ZNF407: variants seen among roughly 807,000 people sequenced by gnomAD.
ZNF407 encodes the protein zinc finger protein 407.
ZNF407 carries 17 observed loss-of-function variants against 131.2 expected under a neutral mutation model. That is an observed-to-expected ratio of 0.13 (90% CI 0.09 to 0.19). The LOEUF (loss-of-function observed/expected upper bound fraction) is 0.19. ZNF407 is among the 10% of genes least tolerant of loss of function. ZNF407 has a pLI of 1.00. For missense variants in ZNF407, 2,681 were observed against 2,830.6 expected (o/e 0.95, Z 1.20); for synonymous variants, 1,156 against 1,062.0 (o/e 1.09, Z -1.72).
At position 74,635,020 on chromosome 18, in the gene ZNF407, G is replaced by C. The variant is rs373998779; in HGVS notation, c.4001G>C (p.Ser1334Thr). The C allele has an allele frequency of 2.6e-5, 42 of 1,613,898 alleles. No homozygotes were observed. Among genetic ancestry groups the C allele is most frequent in the South Asian group, 4.4e-5 (4 of 91,084 alleles). ...GPASDSTVES[S>T]DVYETIISID... The stretch of plus-strand genomic sequence containing the variant: ...GCTTCTGATAGCACAGTTGAAAGTA[G>C]TGATGTCTATGAAACTATAATTAGT... The change falls in exon 2 of 9, where the codon AGT becomes ACT. Residue 1334 changes from serine to threonine, a missense_variant. Physicochemically the swap from Ser to Thr is moderately conservative, Grantham distance 58. Transcript: ENST00000299687. The surrounding 1 kb of genome is among the most constrained non-coding windows in gnomAD (Gnocchi z 4.7).
intron 1 of ZNF407, among the ~76,000 whole-genome samples, chr18:74,606,825 G>T (rs866195736): frequency 6.6e-6 from 1 of 152,200 alleles, no homozygotes; most frequent in African/African-American, 2.4e-5. Context: ...TAAAATAGAA[G>T]AAATAATTTT....
intron 3 of ZNF407, among the ~76,000 whole-genome samples, chr18:74,716,717 G>A (rs1243418260): frequency 3.3e-5 from 5 of 152,112 alleles, no homozygotes; most frequent in African/African-American, 4.8e-5. Flanking sequence ...GAAGTGGTTC[G>A]AAATAATCAA....
In ZNF407 at chr18:74,654,978, AAC is replaced by A. The variant is rs1339553394; in HGVS notation, c.4802+13857_4802+13858del. Among the ~76,000 whole-genome samples the A allele has an allele frequency of 1.4e-4, 21 of 151,950 alleles. 1 individual carries two copies. The highest frequency in any genetic ancestry group is 5.1e-4 in the African/African-American group (21 of 41,428). On this transcript the variant is annotated intron_variant, in intron 3 of 8. Transcript: ENST00000299687. ...AGTCATCTAATGTTATTTTTTAAAG[AAC>A]GTATTTTAAAAATGACTAAAAAGTG...
intron 1 of ZNF407, among the ~76,000 whole-genome samples, chr18:74,608,956 A>C (rs1982932487): frequency 6.6e-6 from 1 of 151,658 alleles, no homozygotes; most frequent in Non-Finnish European, 1.5e-5. Flanking sequence ...GTGATTAATG[A>C]CTCATTTTTT....
intron 8 of ZNF407, among the ~76,000 whole-genome samples, chr18:74,953,186 T>A (rs1972235893): frequency 6.6e-6 from 1 of 151,764 alleles, no homozygotes. Context: ...TGAATGAGGG[T>A]AGTGGAGGTG....
rs143606393 is a variant in ZNF407 at position 74,803,868 on chromosome 18, C to T, written c.4877+22366C>T. 795 of 1,323,278 alleles carry T rather than the reference C, an allele frequency of 6.0e-4. 9 individuals are homozygous for T. The East Asian group carries it at 0.013, about 21-fold the overall frequency. 82.0% of individuals were successfully genotyped at this position (1,323,278 alleles called of 1,614,324 possible). On this transcript the variant is annotated intron_variant, in intron 4 of 8. Coordinates refer to ENST00000299687, the MANE Select transcript of ZNF407 (RefSeq NM_017757.3). ...TTCTGGAGCATGGTTTCAAAAAGGT[C>T]AGGAATGACGGAGCGAAAAATGTTC... is the stretch of plus-strand genomic sequence containing the variant.
At chr18:74,931,473 G>A (rs913913799) in intron 8 of ZNF407, among the ~76,000 whole-genome samples, 1 of 152,076 alleles carries the variant, frequency 6.6e-6, no homozygotes, top group African/African-American at 2.4e-5. Context: ...CACCATTACT[G>A]TTAGGAAAAT....
chr18:74,623,180 G>C (rs1392642552), intron 1 of ZNF407, among the ~76,000 whole-genome samples: 4 of 151,698 alleles, frequency 2.6e-5, no homozygotes, highest in Non-Finnish European at 5.9e-5. Context: ...GTGTGAATGT[G>C]AATCCGTGTG....
chr18:74,721,227 C>T (rs1243860032), intron 3 of ZNF407, among the ~76,000 whole-genome samples: 5 of 151,854 alleles, frequency 3.3e-5, no homozygotes, highest in Non-Finnish European at 7.4e-5. Context: ...AAATTTATTC[C>T]TAGGCATTTT....
chr18:74,763,876 A>T (rs1969165526), intron 3 of ZNF407, among the ~76,000 whole-genome samples: 1 of 145,666 alleles, frequency 6.9e-6, no homozygotes. Context: ...CGCCCGGCTA[A>T]TTTTTTTTTT....
intron 3 of ZNF407, among the ~76,000 whole-genome samples, chr18:74,688,671 G>A (rs1967151214): frequency 6.6e-6 from 1 of 152,084 alleles, no homozygotes; most frequent in Non-Finnish European, 1.5e-5. Context: ...ATTAAGGTCT[G>A]TGATTTATTT....
At chr18:74,738,901 G>GTA in intron 3 of ZNF407, among the ~76,000 whole-genome samples, 1 of 152,094 alleles carries the variant, frequency 6.6e-6, no homozygotes, top group Non-Finnish European at 1.5e-5. Context: ...GATTTGAAAA[G>GTA]ATATATAAAC....
chr18:74,937,890 C>T (rs547771712), intron 8 of ZNF407, among the ~76,000 whole-genome samples: 5 of 152,212 alleles, frequency 3.3e-5, no homozygotes, highest in South Asian at 4.1e-4. Flanking sequence ...TTTTTCTGCT[C>T]CTAAATATAT....
intron 4 of ZNF407, among the ~76,000 whole-genome samples, chr18:74,841,305 GT>G (rs1410531888): frequency 1.3e-5 from 2 of 152,164 alleles, no homozygotes; most frequent in Non-Finnish European, 2.9e-5. Flanking sequence ...CTGCATATTA[GT>G]TCCTCACTCC....
At chr18:74,857,200 C>T (rs1288057041) in intron 4 of ZNF407, among the ~76,000 whole-genome samples, 1 of 152,172 alleles carries the variant, frequency 6.6e-6, no homozygotes, top group East Asian at 1.9e-4. Context: ...AATGACTATT[C>T]ACAGGCACTT....
At chr18:75,020,490 C>T (rs1973097254) in intron 8 of ZNF407, among the ~76,000 whole-genome samples, 1 of 152,132 alleles carries the variant, frequency 6.6e-6, no homozygotes, top group African/African-American at 2.4e-5. Context: ...TATTATTTTT[C>T]TCCTATCGGA....
At chr18:74,937,981 ATAT>A (rs1972057179) in intron 8 of ZNF407, among the ~76,000 whole-genome samples, 1 of 152,086 alleles carries the variant, frequency 6.6e-6, no homozygotes, top group East Asian at 1.9e-4. Context: ...CTCACATGTG[ATAT>A]TATTATTATC....
At chr18:74,753,815 C>T in intron 3 of ZNF407, among the ~76,000 whole-genome samples, 1 of 151,222 alleles carries the variant, frequency 6.6e-6, no homozygotes. Flanking sequence ...TAAAATTTCT[C>T]TTTTTTTTTG....
At chr18:74,966,156 T>C (rs537748316) in intron 8 of ZNF407, among the ~76,000 whole-genome samples, 1 of 152,346 alleles carries the variant, frequency 6.6e-6, no homozygotes, top group African/African-American at 2.4e-5. Flanking sequence ...GTGCAGAAGC[T>C]TTTTAACTTG....
Sources: allele counts gnomAD v4.1 joint callset (sites outside exome capture counted in the v4.1 genomes callset), GRCh38; gene constraint gnomAD v4.1.1; non-coding constraint Gnocchi (gnomAD v3.1); transcripts MANE v1.5; gene names NCBI Gene and HGNC (gene_info 2026-07-23, HGNC 2026-07-21).